TRAPPC12: variants seen among roughly 807,000 people sequenced by gnomAD.
The protein encoded by TRAPPC12 is trafficking protein particle complex subunit 12.
Under a neutral mutation model 69.2 loss-of-function variants are expected in TRAPPC12, and 61 were observed. That is an observed-to-expected ratio of 0.88 (90% CI 0.72 to 1.09). The LOEUF (loss-of-function observed/expected upper bound fraction) is 1.09, where lower values mean the gene tolerates loss of function less well. Ranked by LOEUF, TRAPPC12 falls within the 50% of genes least tolerant of loss-of-function variation. TRAPPC12 has a pLI of 0.00. For synonymous variants in TRAPPC12, 469 were observed against 438.9 expected (o/e 1.07, Z -0.86); for missense variants, 1,101 against 1,016.4 (o/e 1.08, Z -1.13).
chr2:3,410,912 C>G (rs1662020185), intron 3 of TRAPPC12, among the ~76,000 whole-genome samples: 1 of 152,202 alleles, frequency 6.6e-6, no homozygotes, highest in South Asian at 2.1e-4. Flanking sequence ...CGCCTGTAGT[C>G]CCAGCTACTC....
chr2:3,440,887 T>A (rs1473280939), intron 5 of TRAPPC12, among the ~76,000 whole-genome samples: 1 of 152,204 alleles, frequency 6.6e-6, no homozygotes. Context: ...TGGATTTTGT[T>A]AAATGCTTTT....
intron 3 of TRAPPC12, among the ~76,000 whole-genome samples, chr2:3,413,097 A>G (rs1206775543): frequency 6.6e-6 from 1 of 152,238 alleles, no homozygotes; most frequent in African/African-American, 2.4e-5. Context: ...GGTAGAACTT[A>G]AAAACTATTA....
intron 3 of TRAPPC12, among the ~76,000 whole-genome samples, chr2:3,411,467 A>C (rs1662055403): frequency 6.6e-6 from 1 of 152,240 alleles, no homozygotes; most frequent in Non-Finnish European, 1.5e-5. Context: ...AGAAAAACTG[A>C]AAAAAAGATT....
intron 8 of TRAPPC12, 111 bp from the exon 9 acceptor site, chr2:3,465,486 C>G: frequency 2.7e-6 from 2 of 737,056 alleles, no homozygotes; most frequent in South Asian, 1.8e-5. Context: ...GCTCCTGCGT[C>G]AGCGTGTCCT....
At chr2:3,451,907 G>T (rs1664870621) in intron 6 of TRAPPC12, among the ~76,000 whole-genome samples, 1 of 152,196 alleles carries the variant, frequency 6.6e-6, no homozygotes. Flanking sequence ...CTCATGCAAA[G>T]CCTTCAGTTG....
chr2:3,386,779 C>T (rs1350057068), intron 1 of TRAPPC12, among the ~76,000 whole-genome samples: 1 of 151,982 alleles, frequency 6.6e-6, no homozygotes, highest in African/African-American at 2.4e-5. Context: ...GGGAGGGCTT[C>T]ATGGAAGAGG....
At chr2:3,397,770 T>C (rs1661214889) in intron 2 of TRAPPC12, among the ~76,000 whole-genome samples, 1 of 152,206 alleles carries the variant, frequency 6.6e-6, no homozygotes, top group Admixed American at 6.5e-5. Flanking sequence ...TCTCACACTT[T>C]CTCTGTCTCC....
intron 9 of TRAPPC12, among the ~76,000 whole-genome samples, chr2:3,469,362 A>G (rs1268875549): frequency 6.6e-6 from 1 of 152,214 alleles, no homozygotes; most frequent in Admixed American, 6.5e-5. Context: ...AGAAATACGT[A>G]TATTAGTAAC....
chr2:3,457,689 A>T lies in TRAPPC12; in HGVS notation c.1599A>T (p.Arg533Ser), dbSNP rs778754328. ...GGMSSVTQEG[R>S]QASIRLWRSR... is the part of the protein sequence containing the mutation. ...TGAGCAGCGTGACTCAGGAGGGCAG[A>T]CAAGGTGGGTCGGCCGGACTTTGCT... Residue 533 changes from arginine (R) to serine (S), a missense_variant, in exon 7 of 12, where the codon AGA (arginine) becomes AGT (serine). Arg to Ser is a moderately radical substitution (Grantham distance 110, BLOSUM62 -1). Transcript: ENST00000324266. The T allele has an allele frequency of 6.2e-7, 1 of 1,610,644 alleles. No individual in the cohort carries two copies. The highest frequency in any genetic ancestry group is 8.5e-7 in the Non-Finnish European group (1 of 1,179,976).
intron 9 of TRAPPC12, among the ~76,000 whole-genome samples, chr2:3,468,390 C>T (rs1402137313): frequency 6.6e-6 from 1 of 151,788 alleles, no homozygotes; most frequent in African/African-American, 2.4e-5. Flanking sequence ...GCTGGCGTGG[C>T]TCTGAGCAGT....
chr2:3,475,640 T>C (rs559188870), intron 9 of TRAPPC12, among the ~76,000 whole-genome samples: 2 of 152,300 alleles, frequency 1.3e-5, no homozygotes, highest in South Asian at 2.1e-4. Context: ...TTCTCTGTTA[T>C]CTTCCTCTGA....
chr2:3,465,700 C>T lies in TRAPPC12; in HGVS notation c.1776+5C>T. On this transcript the variant is annotated splice_donor_5th_base_variant and intron_variant, in intron 9 of 11. Coordinates refer to ENST00000324266, the MANE Select transcript of TRAPPC12 (RefSeq NM_016030.6). ...ATCGGCCGGATTTCCCTGCAGGTACCTGTGCACGGTCAGACATGAGCCAGA... is the reference window on the plus strand; with the variant it reads ...ATCGGCCGGATTTCCCTGCAGGTACTTGTGCACGGTCAGACATGAGCCAGA... 4 of 1,608,590 alleles carry T rather than the reference C, an allele frequency of 2.5e-6. No individual in the cohort carries two copies. The highest frequency in any genetic ancestry group is 3.3e-4 in the Middle Eastern group (2 of 6,052).
At chr2:3,472,783 A>G (rs1666122019) in intron 9 of TRAPPC12, among the ~76,000 whole-genome samples, 1 of 152,218 alleles carries the variant, frequency 6.6e-6, no homozygotes, top group Non-Finnish European at 1.5e-5. Context: ...GATTCATGGC[A>G]CTAGCATGCA....
intron 3 of TRAPPC12, among the ~76,000 whole-genome samples, chr2:3,420,706 T>C (rs1392627273): frequency 6.6e-6 from 1 of 152,134 alleles, no homozygotes; most frequent in African/African-American, 2.4e-5. Flanking sequence ...GCAGAACAAC[T>C]GTAGTGCAAA....
At chr2:3,475,689 T>C (rs2103174686) in intron 9 of TRAPPC12, among the ~76,000 whole-genome samples, 1 of 152,300 alleles carries the variant, frequency 6.6e-6, no homozygotes. Context: ...CAGGAGGCCT[T>C]GCAGTGCGGA....
chr2:3,400,889 G>T (rs1253187897), intron 2 of TRAPPC12, among the ~76,000 whole-genome samples: 2 of 152,200 alleles, frequency 1.3e-5, no homozygotes, highest in Admixed American at 1.3e-4. Flanking sequence ...CCTGCTCAGG[G>T]CAGGTCATTG....
rs142122719 is a variant in TRAPPC12, at chr2:3,391,574, T to C, written c.1047+2904T>C. 5.1e-3 allele frequency among the ~76,000 whole-genome samples: 770 copies of C among 152,356 alleles called. 34 individuals carry two copies. The highest frequency in any genetic ancestry group is 4.3e-4 in the Non-Finnish European group (29 of 68,042). On this transcript the variant is annotated intron_variant, in intron 2 of 11. Transcript: ENST00000324266. ...TACTAATATTCATTTACTATACTTA[T>C]TGTGTGTTTACTCTTGACCAGGCAT...
At chr2:3,424,413 C>T (rs1182970135) in intron 4 of TRAPPC12, 112 bp from the exon 5 acceptor site, 2 of 902,764 alleles carry the variant, frequency 2.2e-6, no homozygotes, top group Non-Finnish European at 3.4e-6. Context: ...TTAGGTTAGC[C>T]CTTATTTTAA....
chr2:3,440,027 G>C (rs933219177), intron 5 of TRAPPC12, among the ~76,000 whole-genome samples: 1 of 151,970 alleles, frequency 6.6e-6, no homozygotes, highest in African/African-American at 2.4e-5. Context: ...TTGTCTTTCT[G>C]CTCTGGGCCA....
Sources: gnomAD v4.1 joint callset for allele counts (sites outside exome capture counted in the v4.1 genomes callset) on GRCh38, gnomAD v4.1.1 for gene constraint, MANE v1.5 for transcripts, NCBI Gene and HGNC (gene_info 2026-07-23, HGNC 2026-07-21) for gene names.